Variants in ZMAT4 observed in about 807,000 individuals in gnomAD.
ZMAT4 encodes the protein zinc finger matrin-type 4, also known as zinc finger matrin-type protein 4.
Under a neutral mutation model 28.7 loss-of-function variants are expected in ZMAT4, and 17 were observed. That is an observed-to-expected ratio of 0.59 (90% CI 0.41 to 0.89). The LOEUF is 0.89. ZMAT4 is among the 40% of genes least tolerant of loss of function. ZMAT4 has a pLI of 0.00. For synonymous variants in ZMAT4, 117 were observed against 109.2 expected (o/e 1.07, Z -0.44); for missense variants, 240 against 283.8 (o/e 0.85, Z 1.11).
chr8:40,848,289 G>A (rs1586162547), intron 1 of ZMAT4, among the ~76,000 whole-genome samples: 1 of 152,348 alleles, frequency 6.6e-6, no homozygotes, highest in South Asian at 2.1e-4. Context: ...TGCCCTCGAT[G>A]TGGAAGTCAG....
At chr8:40,698,526 A>T (rs563453090) in intron 3 of ZMAT4, among the ~76,000 whole-genome samples, 4 of 152,174 alleles carry the variant, frequency 2.6e-5, no homozygotes, top group African/African-American at 7.2e-5. Flanking sequence ...TGGCCCCACA[A>T]TGGCCGCTTC....
chr8:40,642,501 G>C (rs1322393922), intron 5 of ZMAT4, among the ~76,000 whole-genome samples: 3 of 151,996 alleles, frequency 2.0e-5, no homozygotes, highest in Non-Finnish European at 4.4e-5. Flanking sequence ...TTTCTCACTG[G>C]GTCAAATAGG....
chr8:40,685,012 A>C (rs1809337319), intron 4 of ZMAT4, among the ~76,000 whole-genome samples: 1 of 152,212 alleles, frequency 6.6e-6, no homozygotes, highest in South Asian at 2.1e-4. Context: ...CAAGCTATGA[A>C]AATTGGCTGC....
chr8:40,775,138 A>T (rs1011927722), intron 2 of ZMAT4, among the ~76,000 whole-genome samples: 7 of 152,232 alleles, frequency 4.6e-5, no homozygotes, highest in African/African-American at 1.4e-4. Context: ...AAGATTTGTC[A>T]TTTCAGTGAT....
chr8:40,602,933 C>G (rs1041992135), intron 5 of ZMAT4, among the ~76,000 whole-genome samples: 1 of 152,038 alleles, frequency 6.6e-6, no homozygotes, highest in Non-Finnish European at 1.5e-5. Context: ...ATCCATTTAT[C>G]TTTGTTTTTG....
At chr8:40,670,677 CAAAT>C (rs1808628307) in intron 5 of ZMAT4, among the ~76,000 whole-genome samples, 1 of 152,072 alleles carries the variant, frequency 6.6e-6, no homozygotes, top group Admixed American at 6.6e-5. Context: ...TACCTCATCT[CAAAT>C]AAAAGGCAAA....
intron 5 of ZMAT4, among the ~76,000 whole-genome samples, chr8:40,636,326 G>C (rs755288163): frequency 6.6e-6 from 1 of 152,162 alleles, no homozygotes; most frequent in African/African-American, 2.4e-5. Context: ...GAAGTATGGC[G>C]CACAAAAGCT....
intron 1 of ZMAT4, among the ~76,000 whole-genome samples, chr8:40,827,778 C>T (rs1816122797): frequency 6.6e-6 from 1 of 152,196 alleles, no homozygotes; most frequent in Non-Finnish European, 1.5e-5. Context: ...CCTGCTGTGC[C>T]TGCAGGTTCA....
intron 5 of ZMAT4, among the ~76,000 whole-genome samples, chr8:40,640,054 G>C (rs544865353): frequency 4.6e-5 from 7 of 152,132 alleles, no homozygotes; most frequent in Non-Finnish European, 7.4e-5. Context: ...ATAGTTCACT[G>C]TAGCCTCAAA....
intron 2 of ZMAT4, chr8:40,808,511 T>C (rs1217870293): frequency 4.4e-6 from 2 of 455,568 alleles, no homozygotes; most frequent in African/African-American, 4.0e-5. Context: ...AAACTCACCT[T>C]GACTTATTGA....
intron 2 of ZMAT4, among the ~76,000 whole-genome samples, chr8:40,783,000 G>C (rs1247857331): frequency 6.6e-6 from 1 of 152,250 alleles, no homozygotes; most frequent in African/African-American, 2.4e-5. Flanking sequence ...TTGGCAAACA[G>C]TTTGGCAGTT....
chr8:40,793,516 T>C lies in ZMAT4; in HGVS notation c.103-25786A>G, dbSNP rs145500168. 3.5e-3 allele frequency among the ~76,000 whole-genome samples: 527 copies of C among 152,344 alleles called. 2 individuals carry two copies. The highest frequency in any genetic ancestry group is 5.1e-3 in the Non-Finnish European group (347 of 68,034). On this transcript the variant is annotated intron_variant, in intron 2 of 6. Coordinates refer to ENST00000297737, the MANE Select transcript of ZMAT4 (RefSeq NM_024645.3). ...TGATTTAACAACAGCCTTGAAATCCTTTTGCGAATTTGCTGCTTCCTTTCA... is the reference window on the plus strand; with the variant it reads ...TGATTTAACAACAGCCTTGAAATCCCTTTGCGAATTTGCTGCTTCCTTTCA...
At chr8:40,728,111 A>G (rs1811383387) in intron 3 of ZMAT4, among the ~76,000 whole-genome samples, 1 of 152,214 alleles carries the variant, frequency 6.6e-6, no homozygotes, top group African/African-American at 2.4e-5. Context: ...ACTCTCTGTG[A>G]TTTGAAACAA....
At chr8:40,761,941 G>C (rs1359092089) in intron 3 of ZMAT4, among the ~76,000 whole-genome samples, 1 of 152,322 alleles carries the variant, frequency 6.6e-6, no homozygotes, top group East Asian at 1.9e-4. Context: ...CTAAAGCAAA[G>C]TTGTGAAACT....
intron 2 of ZMAT4, chr8:40,808,426 G>A: frequency 5.3e-6 from 2 of 374,876 alleles, no homozygotes; most frequent in Non-Finnish European, 1.1e-5. Context: ...TTTTATTACA[G>A]GATATTTAAG....
intron 6 of ZMAT4, among the ~76,000 whole-genome samples, chr8:40,577,452 C>T (rs1453697685): frequency 6.6e-6 from 1 of 152,126 alleles, no homozygotes. Context: ...TCTTCTCACT[C>T]ATATGAAAGC....
At chr8:40,715,047 C>CGAAAAAAAAA (rs1810788396) in intron 3 of ZMAT4, among the ~76,000 whole-genome samples, 1 of 73,364 alleles carries the variant, frequency 1.4e-5, no homozygotes, top group African/African-American at 6.1e-5. Context: ...GACTCTGTCT[C>CGAAAAAAAAA]AAAAAAAAAA....
intron 4 of ZMAT4, among the ~76,000 whole-genome samples, chr8:40,676,534 G>GAACC (rs1464177963): frequency 6.6e-6 from 1 of 152,080 alleles, no homozygotes; most frequent in Non-Finnish European, 1.5e-5. Context: ...ACAAGTTAAG[G>GAACC]AACCAATTAA....
At chr8:40,807,056 G>T in intron 2 of ZMAT4, among the ~76,000 whole-genome samples, 1 of 148,662 alleles carries the variant, frequency 6.7e-6, no homozygotes, top group Non-Finnish European at 1.5e-5. Context: ...ACAAGCAGAA[G>T]GAACTTGCAG....
Sources: gnomAD v4.1 joint callset for allele counts (sites outside exome capture counted in the v4.1 genomes callset) on GRCh38, gnomAD v4.1.1 for gene constraint, MANE v1.5 for transcripts, NCBI Gene and HGNC (gene_info 2026-07-23, HGNC 2026-07-21) for gene names.